SRRM1: variants seen among roughly 807,000 people sequenced by gnomAD.
SRRM1 encodes serine and arginine repetitive matrix 1.
SRRM1 carries 19 observed loss-of-function variants against 110.2 expected under a neutral mutation model. That is an observed-to-expected ratio of 0.17 (90% CI 0.12 to 0.25). The LOEUF (loss-of-function observed/expected upper bound fraction) is 0.25. SRRM1 is among the 10% of genes least tolerant of loss of function. SRRM1 has a pLI of 1.00. For synonymous variants in SRRM1, 443 were observed against 414.9 expected (o/e 1.07, Z -0.82); for missense variants, 918 against 1,145.8 (o/e 0.80, Z 2.87).
intron 8 of SRRM1, among the ~76,000 whole-genome samples, 163 bp from the exon 9 acceptor site, chr1:24,654,692 G>C (rs1662983234): frequency 6.6e-6 from 1 of 152,118 alleles, no homozygotes; most frequent in Non-Finnish European, 1.5e-5. Flanking sequence ...TCCTGGCCTA[G>C]GTTATGGTTT....
chr1:24,655,565 A>G (rs1469641682), intron 9 of SRRM1, among the ~76,000 whole-genome samples: 1 of 152,160 alleles, frequency 6.6e-6, no homozygotes, highest in Non-Finnish European at 1.5e-5. Context: ...AGCAAAGGAC[A>G]TGGTGTCCTC....
rs764616536 is a variant in SRRM1, at chr1:24,660,813, T to TG, written c.1396+14_1396+15insG. 6.4e-7 allele frequency: 1 copy of TG among 1,558,896 alleles called. No homozygotes were observed. Among genetic ancestry groups the TG allele is most frequent in the African/African-American group, 1.4e-5 (1 of 71,784 alleles). On this transcript the variant is annotated intron_variant, in intron 10 of 16. Coordinates refer to ENST00000323848, the MANE Select transcript of SRRM1 (RefSeq NM_005839.4). ...TATCTGAATCGGGTAAGTTTGTTGT[T>TG]TTTTTTTGTGATTTTGGTTTGTTTG...
chr1:24,645,665 A>G (rs1050303402), intron 1 of SRRM1, among the ~76,000 whole-genome samples: 3 of 152,250 alleles, frequency 2.0e-5, no homozygotes, highest in East Asian at 1.9e-4. Flanking sequence ...GAAAAGCCCT[A>G]CGTATCTATT....
chr1:24,664,967 C>T (rs1669176009), intron 12 of SRRM1, among the ~76,000 whole-genome samples: 2 of 147,452 alleles, frequency 1.4e-5, no homozygotes, highest in Admixed American at 1.4e-4. Flanking sequence ...ATGTTTATTG[C>T]TCTACTCCAG....
intron 11 of SRRM1, among the ~76,000 whole-genome samples, chr1:24,662,051 C>T (rs1667523030): frequency 6.6e-6 from 1 of 152,200 alleles, no homozygotes; most frequent in African/African-American, 2.4e-5. Flanking sequence ...GATCGCGCCA[C>T]TGCACTCCAG....
At chr1:24,646,157 T>A in intron 2 of SRRM1, 84 bp downstream of exon 2, 1 of 987,570 alleles carries the variant, frequency 1.0e-6, no homozygotes, top group Non-Finnish European at 1.6e-6. Context: ...AGATGCATTG[T>A]AACTTGAATG....
intron 1 of SRRM1, 84 bp from the exon 2 acceptor site, chr1:24,645,900 T>C (rs1307071029): frequency 1.9e-6 from 2 of 1,044,186 alleles, no homozygotes; most frequent in Non-Finnish European, 2.9e-6. Context: ...TTGGTTACCC[T>C]ATTTTGGCTA....
chr1:24,666,128 TA>T (rs1296397010), intron 12 of SRRM1, among the ~76,000 whole-genome samples: 1 of 152,182 alleles, frequency 6.6e-6, no homozygotes, highest in Non-Finnish European at 1.5e-5. Context: ...AAATCTCACA[TA>T]AGCTTCCTAG....
In SRRM1 at chr1:24,670,148, A is replaced by G. The variant is rs1003597754; in HGVS notation, c.2233A>G (p.Arg745Gly). The G allele has an allele frequency of 2.5e-6, 4 of 1,609,548 alleles. No individual in the cohort carries two copies. Among genetic ancestry groups the G allele is most frequent in the Non-Finnish European group, 3.4e-6 (4 of 1,178,348 alleles). Residue 745 changes from arginine (R) to glycine (G), a missense_variant, in exon 15 of 17, where the codon AGA becomes GGA. Physicochemically the swap from Arg to Gly is moderately radical, Grantham distance 125 (BLOSUM62 -2). Transcript: ENST00000323848. Reference protein sequence around the residue: ...KAASPSPQSVRRVSSSRSVSG... With the variant: ...KAASPSPQSVGRVSSSRSVSG... ...TGCTTCCCCAAGCCCACAGTCTGTAAGAAGGGTCTCATCCTCCCGATCTGT... is the reference window on the plus strand; with the variant it reads ...TGCTTCCCCAAGCCCACAGTCTGTAGGAAGGGTCTCATCCTCCCGATCTGT...
At chr1:24,643,373 GT>G in intron 1 of SRRM1, 26 bp downstream of exon 1, 1 of 1,546,714 alleles carries the variant, frequency 6.5e-7, no homozygotes, top group Non-Finnish European at 8.7e-7. Context: ...GGGCGCCGGG[GT>G]GAGGCCAGGG....
chr1:24,669,032 A>T, intron 13 of SRRM1, 91 bp from the exon 14 acceptor site: 10 of 1,013,962 alleles, frequency 9.9e-6, no homozygotes, highest in Middle Eastern at 2.1e-4. Context: ...GCCTAGTGCT[A>T]ACTACAGTAT....
At chr1:24,663,701 A>G (rs907853267) in intron 12 of SRRM1, among the ~76,000 whole-genome samples, 1 of 151,668 alleles carries the variant, frequency 6.6e-6, no homozygotes, top group African/African-American at 2.4e-5. Flanking sequence ...ACATGGTGAA[A>G]CCCCATTTCT....
intron 1 of SRRM1, 85 bp downstream of exon 1, chr1:24,643,432 C>G: frequency 8.1e-7 from 1 of 1,238,780 alleles, no homozygotes; most frequent in Non-Finnish European, 1.1e-6. Flanking sequence ...CACAGGGTGG[C>G]CAGCGAGGGG....
chr1:24,651,430 C>G lies in SRRM1; in HGVS notation c.543C>G (p.Ser181=). The G allele has an allele frequency of 6.2e-7, 1 of 1,613,998 alleles. No homozygotes were observed. Among genetic ancestry groups the G allele is most frequent in the Non-Finnish European group, 8.5e-7 (1 of 1,179,954 alleles). The part of the protein sequence containing the change: ...SPRRRKSRSP[S]PRRRSSPVRR... ...CTAGACGCAAATCCAGATCTCCTTC[C>G]CCTAGAAGACGATCTTCCCCTGTCA... Residue 181 remains serine, a synonymous_variant, in exon 6 of 17, where the codon TCC becomes TCG. Coordinates refer to ENST00000323848, the MANE Select transcript of SRRM1 (RefSeq NM_005839.4).
At position 24,652,428 on chromosome 1, in the gene SRRM1, C is replaced by G; in HGVS notation, c.726-6C>G. 7.0e-7 allele frequency: 1 copy of G among 1,420,836 alleles called. No homozygotes were observed. The highest frequency in any genetic ancestry group is 9.5e-7 in the Non-Finnish European group (1 of 1,055,756). The allele number at this position is 1,420,836 out of a possible 1,614,324, so 88.0% of individuals were successfully genotyped here. On this transcript the variant is annotated splice_polypyrimidine_tract_variant and splice_region_variant and intron_variant, in intron 6 of 16. Coordinates refer to ENST00000323848, the MANE Select transcript of SRRM1 (RefSeq NM_005839.4). ...AAAAAAAAAAAAAAAGCTTTTGTTT[C>G]CACAGTGACATTCTGAAAGTTCCCA... is the stretch of plus-strand genomic sequence containing the variant.
At chr1:24,651,149 G>A (rs1557665729) in intron 5 of SRRM1, among the ~76,000 whole-genome samples, 1 of 152,120 alleles carries the variant, frequency 6.6e-6, no homozygotes, top group African/African-American at 2.4e-5. Flanking sequence ...TGATCTCTGG[G>A]AATGATTAAG....
At chr1:24,645,617 T>A (rs754411068) in intron 1 of SRRM1, among the ~76,000 whole-genome samples, 65 of 152,202 alleles carry the variant, frequency 4.3e-4, no homozygotes, top group Non-Finnish European at 8.4e-4. Flanking sequence ...CAAAAAAGAA[T>A]GAAATTTCAA....
intron 1 of SRRM1, chr1:24,643,549 G>A (rs1297640069): frequency 6.8e-6 from 3 of 438,048 alleles, no homozygotes; most frequent in Non-Finnish European, 1.2e-5. Context: ...CCTCCGGAAT[G>A]GTCCCCCCTA....
At position 24,669,110 on chromosome 1, in the gene SRRM1, A is replaced by T. The variant is rs1018430455; in HGVS notation, c.1740-13A>T. 1.9e-6 allele frequency: 3 copies of T among 1,599,162 alleles called. No homozygotes were observed. Among genetic ancestry groups the T allele is most frequent in the Non-Finnish European group, 2.6e-6 (3 of 1,170,492 alleles). ...GTTGAGCCTTTCAGCTTAATTATGTATCTTTTTCCTAGGACTCCTTCTCCT... is the reference window on the plus strand; with the variant it reads ...GTTGAGCCTTTCAGCTTAATTATGTTTCTTTTTCCTAGGACTCCTTCTCCT... On this transcript the variant is annotated splice_polypyrimidine_tract_variant and intron_variant, in intron 13 of 16. Transcript: ENST00000323848.
Sources: gnomAD v4.1 joint callset for allele counts (sites outside exome capture counted in the v4.1 genomes callset) on GRCh38, gnomAD v4.1.1 for gene constraint, MANE v1.5 for transcripts, NCBI Gene and HGNC (gene_info 2026-07-23, HGNC 2026-07-21) for gene names.